OXR1: variants seen among roughly 807,000 people sequenced by gnomAD.
OXR1 encodes the protein oxidation resistance 1.
Under a neutral mutation model 104.6 loss-of-function variants are expected in OXR1, and 41 were observed. The ratio of observed to expected loss-of-function variants is 0.39; its 90% CI spans 0.31 to 0.51. The LOEUF is 0.51. OXR1 is among the 20% of genes least tolerant of loss of function. The pLI is 0.77. For missense variants in OXR1, 955 were observed against 1,031.9 expected, an observed-to-expected ratio of 0.93 and a Z score of 1.02; for synonymous variants, 348 against 348.4, an observed-to-expected ratio of 1.00 and a Z score of 0.01.
At position 106,680,871 on chromosome 8, in the gene OXR1, G is replaced by T. The variant is rs529651503; in HGVS notation, c.303+1579G>T. On this transcript the variant is annotated intron_variant, in intron 4 of 16. Transcript: ENST00000517566. ...ATTTTCTCATTTCCGTTCCCTTTCA[G>T]TTTGTTATTCATTCAGGTTGCAGTC... 8.2e-4 allele frequency among the ~76,000 whole-genome samples: 125 copies of T among 151,980 alleles called. 1 individual carries two copies. In the South Asian group the frequency reaches 0.025, roughly 30 times the overall value.
chr8:106,723,925 G>C (rs117005584), intron 11 of OXR1, among the ~76,000 whole-genome samples: 3,756 of 151,812 alleles, frequency 0.025, 96 homozygotes, highest in South Asian at 0.038. Flanking sequence ...CAGTAGATGG[G>C]ACTACAGGTA....
intron 3 of OXR1, among the ~76,000 whole-genome samples, chr8:106,543,536 AGATGAATATTCATT>A (rs1010092574): frequency 2.6e-5 from 4 of 152,198 alleles, no homozygotes; most frequent in Non-Finnish European, 5.9e-5. Context: ...GAATATCCCC[AGATGAATATTCATT>A]GATGAGCTGA....
intron 2 of OXR1, among the ~76,000 whole-genome samples, chr8:106,396,229 A>C (rs1817776016): frequency 6.6e-6 from 1 of 152,118 alleles, no homozygotes; most frequent in Non-Finnish European, 1.5e-5. Context: ...AAAGTGGGTC[A>C]TATTTAGTGT....
intron 2 of OXR1, among the ~76,000 whole-genome samples, chr8:106,376,823 C>T (rs1173331709): frequency 6.6e-6 from 1 of 152,208 alleles, no homozygotes; most frequent in African/African-American, 2.4e-5. Context: ...GAAATGCTAA[C>T]AAGTGGTAAT....
intron 3 of OXR1, among the ~76,000 whole-genome samples, chr8:106,548,574 C>T (rs1047258207): frequency 3.3e-5 from 5 of 152,108 alleles, no homozygotes; most frequent in African/African-American, 1.2e-4. Context: ...ATATTATTTC[C>T]TCCACAAACT....
chr8:106,450,616 G>A (rs986566817), intron 2 of OXR1, among the ~76,000 whole-genome samples: 1 of 152,108 alleles, frequency 6.6e-6, no homozygotes, highest in Admixed American at 6.5e-5. Flanking sequence ...ACAACAAACT[G>A]CCAGTCCCAA....
At chr8:106,668,866 T>C (rs1826628150) in intron 3 of OXR1, among the ~76,000 whole-genome samples, 1 of 152,210 alleles carries the variant, frequency 6.6e-6, no homozygotes, top group African/African-American at 2.4e-5. Flanking sequence ...AGAAGCTCTA[T>C]TTGTATGTCT....
At chr8:106,724,874 TATCTC>T (rs1182354802) in intron 11 of OXR1, among the ~76,000 whole-genome samples, 1 of 152,216 alleles carries the variant, frequency 6.6e-6, no homozygotes, top group Non-Finnish European at 1.5e-5. Flanking sequence ...TTGTTTTTAA[TATCTC>T]ATTTAAACCT....
chr8:106,397,170 C>T (rs1817813981), intron 2 of OXR1, among the ~76,000 whole-genome samples: 1 of 152,140 alleles, frequency 6.6e-6, no homozygotes, highest in South Asian at 2.1e-4. Flanking sequence ...GGATATCTTG[C>T]ACTTTGTTGC....
intron 2 of OXR1, among the ~76,000 whole-genome samples, chr8:106,380,715 T>C (rs1262722084): frequency 1.3e-5 from 2 of 152,332 alleles, no homozygotes; most frequent in African/African-American, 4.8e-5. Flanking sequence ...TCCCTGGTGA[T>C]TAATGATGTG....
intron 13 of OXR1, 66 bp downstream of exon 13, chr8:106,739,649 C>G (rs1047733555): frequency 6.7e-7 from 1 of 1,492,114 alleles, no homozygotes; most frequent in Non-Finnish European, 9.2e-7. Flanking sequence ...AAAACAGCCT[C>G]TTTTTAGTTG....
intron 11 of OXR1, among the ~76,000 whole-genome samples, chr8:106,727,101 A>G (rs1454034073): frequency 6.6e-6 from 1 of 152,144 alleles, no homozygotes. Context: ...AAATTCATTT[A>G]TATGTTACAT....
chr8:106,434,062 A>G (rs1333462244), intron 2 of OXR1, among the ~76,000 whole-genome samples: 1 of 152,182 alleles, frequency 6.6e-6, no homozygotes, highest in Non-Finnish European at 1.5e-5. Flanking sequence ...CATTTTTTGA[A>G]AGAACAAGTT....
rs377408950 is a variant in OXR1 at position 106,508,106 on chromosome 8, A to G, written c.24-10837A>G. ...GGTGGGGTCCTTGCCCCCTGTGTCT[A>G]TTTCTCAATTAGTTCAGGACTTACA... On this transcript the variant is annotated intron_variant, in intron 2 of 16. Transcript: ENST00000517566. Among the ~76,000 whole-genome samples the G allele has an allele frequency of 2.0e-5, 3 of 152,204 alleles. No homozygotes were observed. The East Asian group carries it at 5.8e-4, about 29-fold the overall frequency.
At chr8:106,393,496 T>C (rs1293615126) in intron 2 of OXR1, among the ~76,000 whole-genome samples, 2 of 152,148 alleles carry the variant, frequency 1.3e-5, no homozygotes, top group Non-Finnish European at 2.9e-5. Flanking sequence ...ATGTTAAAAG[T>C]CTTTCCATTG....
At chr8:106,739,934 A>G (rs909800379) in intron 13 of OXR1, among the ~76,000 whole-genome samples, 2 of 152,200 alleles carry the variant, frequency 1.3e-5, no homozygotes, top group Non-Finnish European at 2.9e-5. Flanking sequence ...AACTTGTTCA[A>G]GGTCACACAG....
chr8:106,612,393 T>C (rs1013961995), intron 3 of OXR1, among the ~76,000 whole-genome samples: 2 of 152,122 alleles, frequency 1.3e-5, no homozygotes, highest in African/African-American at 4.8e-5. Context: ...AAACAATAAC[T>C]TTATATAATT....
At chr8:106,299,417 A>G (rs1813138390) in intron 1 of OXR1, among the ~76,000 whole-genome samples, 1 of 152,138 alleles carries the variant, frequency 6.6e-6, no homozygotes, top group Admixed American at 6.6e-5. Context: ...ATAGTAGCAC[A>G]TTAGAGTGAT....
At chr8:106,558,507 A>G (rs1206015158) in intron 3 of OXR1, among the ~76,000 whole-genome samples, 3 of 152,236 alleles carry the variant, frequency 2.0e-5, no homozygotes, top group Non-Finnish European at 4.4e-5. Flanking sequence ...TATATTAGCC[A>G]GTACAAAGTA....
Sources: allele counts gnomAD v4.1 joint callset (sites outside exome capture counted in the v4.1 genomes callset), GRCh38; gene constraint gnomAD v4.1.1; transcripts MANE v1.5; gene names NCBI Gene and HGNC (gene_info 2026-07-23, HGNC 2026-07-21).